The following CDON variants were observed in gnomAD, a reference collection of about 807,000 sequenced individuals.
CDON encodes the protein cell adhesion molecule-related/down-regulated by oncogenes.
Under a neutral mutation model 120.9 loss-of-function variants are expected in CDON, and 73 were observed. That is an observed-to-expected ratio of 0.60 (90% CI 0.50 to 0.73). CDON has a LOEUF of 0.73. Among genes scored for constraint, CDON ranks in the 30% least tolerant of loss-of-function variants. The pLI, the probability that CDON is intolerant of heterozygous loss-of-function variation, is 0.00. For synonymous variants in CDON, 566 were observed against 573.5 expected (o/e 0.99, Z 0.19); for missense variants, 1,470 against 1,587.3 (o/e 0.93, Z 1.26).
chr11:125,961,693 G>A, intron 19 of CDON, 31 bp downstream of exon 19: 1 of 1,613,894 alleles, frequency 6.2e-7, no homozygotes, highest in Non-Finnish European at 8.5e-7. Flanking sequence ...AAGATGATCT[G>A]GAATCCTAAG....
At chr11:125,979,653 G>A (rs2134435187) in intron 17 of CDON, among the ~76,000 whole-genome samples, 1 of 152,226 alleles carries the variant, frequency 6.6e-6, no homozygotes, top group Non-Finnish European at 1.5e-5. Context: ...AAAAACCCAA[G>A]GTTCCGTGTT....
At chr11:125,961,364 G>A (rs932721487) in intron 19 of CDON, among the ~76,000 whole-genome samples, 2 of 152,138 alleles carry the variant, frequency 1.3e-5, no homozygotes, top group Non-Finnish European at 2.9e-5. Flanking sequence ...CCACCTGAAA[G>A]AAAGGTTACA....
intron 7 of CDON, among the ~76,000 whole-genome samples, chr11:126,011,783 T>A (rs1947310189): frequency 6.6e-6 from 1 of 152,356 alleles, no homozygotes; most frequent in East Asian, 1.9e-4. Flanking sequence ...TACCCACAGA[T>A]CATACATTCT....
chr11:126,010,393 G>A lies in CDON; in HGVS notation c.1500C>T (p.Cys500=), dbSNP rs142388716. ...VTQEHAGKYI[C]EAANEHGTTQ... The stretch of plus-strand genomic sequence containing the variant: ...TGGTACCATGTTCATTTGCAGCTTC[G>A]CAGATGTATTTCCCCGCATGTTCCT... Residue 500 remains cysteine, a synonymous_variant, in exon 8 of 20, where the codon TGC becomes TGT. Transcript: ENST00000531738. 598 of 1,613,918 alleles carry A rather than the reference G, an allele frequency of 3.7e-4. 2 individuals carry two copies. In the African/African-American group the frequency reaches 7.0e-3, roughly 19 times the overall value.
chr11:125,998,087 G>A (rs1460987049), intron 11 of CDON, among the ~76,000 whole-genome samples: 4 of 152,122 alleles, frequency 2.6e-5, no homozygotes, highest in African/African-American at 9.7e-5. Flanking sequence ...AGGGAGCTAG[G>A]GTCTAGCAGT....
chr11:126,013,585 C>T (rs1947368850), intron 7 of CDON, among the ~76,000 whole-genome samples: 1 of 152,128 alleles, frequency 6.6e-6, no homozygotes, highest in African/African-American at 2.4e-5. Flanking sequence ...AATTTTTTGT[C>T]ACAAAATTTA....
intron 1 of CDON, among the ~76,000 whole-genome samples, chr11:126,059,771 T>C (rs1948753546): frequency 6.6e-6 from 1 of 152,150 alleles, no homozygotes; most frequent in Non-Finnish European, 1.5e-5. Flanking sequence ...ATCACACACA[T>C]GTGGCTCTTT....
intron 11 of CDON, among the ~76,000 whole-genome samples, chr11:125,997,975 G>A (rs1310843676): frequency 6.6e-6 from 1 of 152,200 alleles, no homozygotes; most frequent in East Asian, 1.9e-4. Flanking sequence ...ATAAAGGGGA[G>A]AGAGAATGCT....
chr11:126,059,981 T>C (rs925798931), intron 1 of CDON, among the ~76,000 whole-genome samples: 3 of 151,174 alleles, frequency 2.0e-5, no homozygotes, highest in African/African-American at 7.3e-5. Context: ...TGTAATCCAA[T>C]ATTTTTCAAG....
At position 125,999,972 on chromosome 11, in the gene CDON, T is replaced by C. The variant is rs554949611; in HGVS notation, c.2158+1747A>G. On this transcript the variant is annotated intron_variant, in intron 11 of 19. Coordinates refer to ENST00000531738, the MANE Select transcript of CDON (RefSeq NM_001378964.1). The stretch of plus-strand genomic sequence containing the variant: ...GAGATGTCTTTGCTAGAAACTCTTT[T>C]GCTGTTTCATCTGTCTGTATCGTCG... Among the ~76,000 whole-genome samples the C allele has an allele frequency of 1.2e-4, 18 of 152,350 alleles. No homozygotes were observed. The South Asian group carries it at 2.9e-3, about 25-fold the overall frequency.
intron 1 of CDON, among the ~76,000 whole-genome samples, chr11:126,050,358 G>C (rs556151375): frequency 3.3e-5 from 5 of 151,820 alleles, no homozygotes; most frequent in South Asian, 2.1e-4. Context: ...TCCAACATGC[G>C]AAAGAGGTAT....
At position 125,981,963 on chromosome 11, in the gene CDON, C is replaced by CTTTTTTTTTT. The variant is rs1565501813; in HGVS notation, c.2996-635_2996-634insAAAAAAAAAA. Among the ~76,000 whole-genome samples the CTTTTTTTTTT allele has an allele frequency of 2.6e-3, 90 of 34,138 alleles. 6 individuals carry two copies. Among genetic ancestry groups the CTTTTTTTTTT allele is most frequent in the Middle Eastern group, 0.02 (1 of 50 alleles). 22.4% of individuals were successfully genotyped at this position (34,138 alleles called of 152,430 possible). ...GGAGTACCAAAGGCAAAAAGTGATT[C>CTTTTTTTTTT]TATTTTCTTTTTTTTTTTTTTTTTT... On this transcript the variant is annotated intron_variant, in intron 16 of 19. Coordinates refer to ENST00000531738, the MANE Select transcript of CDON (RefSeq NM_001378964.1).
chr11:126,015,205 A>C (rs1947426387), intron 7 of CDON, 36 bp downstream of exon 7: 1 of 1,603,806 alleles, frequency 6.2e-7, no homozygotes, highest in South Asian at 1.1e-5. Flanking sequence ...TCTGTAAAAT[A>C]AAAGTTCTTA....
intron 16 of CDON, among the ~76,000 whole-genome samples, chr11:125,981,538 A>T (rs928476518): frequency 1.7e-4 from 26 of 152,232 alleles, no homozygotes; most frequent in African/African-American, 6.3e-4. Context: ...AAACATTTTT[A>T]AAATGTTCAC....
intron 4 of CDON, among the ~76,000 whole-genome samples, chr11:126,018,809 A>T (rs913869030): frequency 6.6e-6 from 1 of 152,186 alleles, no homozygotes; most frequent in Non-Finnish European, 1.5e-5. Context: ...GCTTCAAGTG[A>T]TCTTCCTGCC....
chr11:126,056,848 T>C (rs1353535442), intron 1 of CDON, among the ~76,000 whole-genome samples: 1 of 152,234 alleles, frequency 6.6e-6, no homozygotes, highest in Admixed American at 6.5e-5. Context: ...TAGCTCCACT[T>C]TCTTCCTTTT....
chr11:125,976,439 G>A (rs1946150446), intron 18 of CDON, among the ~76,000 whole-genome samples: 1 of 151,986 alleles, frequency 6.6e-6, no homozygotes, highest in Admixed American at 6.6e-5. Context: ...CCAAGCTGAA[G>A]AGAATTCACC....
intron 18 of CDON, among the ~76,000 whole-genome samples, chr11:125,972,163 C>T (rs1237389175): frequency 1.3e-5 from 2 of 152,156 alleles, no homozygotes; most frequent in African/African-American, 2.4e-5. Flanking sequence ...CGGTAGCTCG[C>T]GCCTGTAATC....
intron 7 of CDON, among the ~76,000 whole-genome samples, chr11:126,013,164 T>C (rs1417977618): frequency 3.9e-5 from 6 of 152,230 alleles, no homozygotes; most frequent in African/African-American, 1.4e-4. Flanking sequence ...ACACTCTACA[T>C]TTTCAAGTGG....
Sources: gnomAD v4.1 joint callset for allele counts (sites outside exome capture counted in the v4.1 genomes callset) on GRCh38, gnomAD v4.1.1 for gene constraint, MANE v1.5 for transcripts, NCBI Gene and HGNC (gene_info 2026-07-23, HGNC 2026-07-21) for gene names.